Variants in HRK observed in about 807,000 individuals in gnomAD.
HRK encodes the protein harakiri, BCL2 interacting protein.
A neutral mutation model predicts 5.9 loss-of-function variants in HRK; 6 were observed. The observed-to-expected ratio is 1.02, with a 90% CI of 0.56 to 2.01. The LOEUF (loss-of-function observed/expected upper bound fraction) is 2.01, where lower values mean the gene tolerates loss of function less well. Ranked by LOEUF, HRK falls within the 30% of genes most tolerant of loss-of-function variation. The probability of loss-of-function intolerance (pLI) is 0.00; values close to 1 mark genes in which losing one functional copy is unlikely to be tolerated. For synonymous variants in HRK, 85 were observed against 65.1 expected, an observed-to-expected ratio of 1.31 and a Z score of -1.47; for missense variants, 133 against 128.3, an observed-to-expected ratio of 1.04 and a Z score of -0.18.
chr12:116,877,093 TA>T (rs1248296069), intron 1 of HRK, among the ~76,000 whole-genome samples: 1 of 152,202 alleles, frequency 6.6e-6, no homozygotes, highest in African/African-American at 2.4e-5. Flanking sequence ...CTTTGTCGCC[TA>T]GGCTGGAGTG....
At chr12:116,870,345 T>G (rs1345109814) in intron 1 of HRK, among the ~76,000 whole-genome samples, 1 of 152,172 alleles carries the variant, frequency 6.6e-6, no homozygotes. Context: ...TTAGTGACAT[T>G]ACTGAGACTT....
intron 1 of HRK, among the ~76,000 whole-genome samples, chr12:116,866,853 T>TAC (rs1449239809): frequency 6.6e-6 from 1 of 152,090 alleles, no homozygotes; most frequent in Non-Finnish European, 1.5e-5. Flanking sequence ...AAACAAAAAA[T>TAC]ACAGACTCTT....
chr12:116,875,039 T>C (rs1216074358), intron 1 of HRK, among the ~76,000 whole-genome samples: 1 of 151,704 alleles, frequency 6.6e-6, no homozygotes, highest in Non-Finnish European at 1.5e-5. Flanking sequence ...ATCAAAACTA[T>C]TGGAAAAAAA....
chr12:116,877,883 T>A (rs1349630183), intron 1 of HRK, among the ~76,000 whole-genome samples: 1 of 152,188 alleles, frequency 6.6e-6, no homozygotes, highest in African/African-American at 2.4e-5. Flanking sequence ...ATGCTGGATA[T>A]ATGTATGTGT....
chr12:116,860,203 A>G lies in HRK; in HGVS notation c.*1320T>C, dbSNP rs1878308771. On this transcript the variant is annotated 3_prime_UTR_variant, in exon 2 of 2. Transcript: ENST00000257572. Reference sequence around the variant, plus strand: ...CCTGCTTATGTTGGATTTTTCGAAAATGAAAGCAAAAAATAATCACTGCTC... The same window carrying G: ...CCTGCTTATGTTGGATTTTTCGAAAGTGAAAGCAAAAAATAATCACTGCTC... 1 of 152,216 alleles carries G rather than the reference A, an allele frequency of 6.6e-6. No individual in the cohort carries two copies. The highest frequency in any genetic ancestry group is 6.5e-5 in the Admixed American group (1 of 15,274). 9.4% of individuals were successfully genotyped at this position (152,216 alleles called of 1,614,324 possible).
intron 1 of HRK, among the ~76,000 whole-genome samples, chr12:116,875,496 C>T (rs190575459): frequency 6.6e-6 from 1 of 152,164 alleles, no homozygotes; most frequent in Non-Finnish European, 1.5e-5. Flanking sequence ...GTGGAAGAAC[C>T]TGAATTTGGG....
At chr12:116,864,745 A>G (rs1029295330) in intron 1 of HRK, among the ~76,000 whole-genome samples, 12 of 152,224 alleles carry the variant, frequency 7.9e-5, no homozygotes, top group Admixed American at 2.0e-4. Flanking sequence ...GGATTGCATA[A>G]GCCCAGGAGT....
rs1438794965 is a variant in HRK, at chr12:116,862,899, G to A, written c.*57-1433C>T. Among the ~76,000 whole-genome samples, 1 of 152,078 alleles carries A rather than the reference G, an allele frequency of 6.6e-6. No individual in the cohort carries two copies. The highest frequency in any genetic ancestry group is 1.5e-5 in the Non-Finnish European group (1 of 68,014). On this transcript the variant is annotated intron_variant, in intron 1 of 1. Coordinates refer to ENST00000257572, the MANE Select transcript of HRK (RefSeq NM_003806.4). The surrounding 1 kb of genome is among the most constrained non-coding windows in gnomAD (Gnocchi z 4.0). ...CTACAGGTGCATGCCATCATGCCCG[G>A]CTAAATTTTTGTATTTTTAGTAGAG...
chr12:116,866,660 A>G (rs1300571997), intron 1 of HRK, among the ~76,000 whole-genome samples: 1 of 152,138 alleles, frequency 6.6e-6, no homozygotes, highest in Non-Finnish European at 1.5e-5. Context: ...GTGAACAGTT[A>G]TCAATGCTAT....
intron 1 of HRK, among the ~76,000 whole-genome samples, chr12:116,866,086 A>C (rs1878534952): frequency 7.1e-6 from 1 of 141,336 alleles, no homozygotes; most frequent in Non-Finnish European, 1.5e-5. Flanking sequence ...TAAACCCGGG[A>C]GGCAGAGGTT....
intron 1 of HRK, among the ~76,000 whole-genome samples, chr12:116,868,487 G>A (rs535326407): frequency 1.7e-4 from 26 of 152,264 alleles, no homozygotes; most frequent in Admixed American, 2.6e-4. Context: ...CTCTAATGTC[G>A]TGTCTGGCTC....
intron 1 of HRK, among the ~76,000 whole-genome samples, chr12:116,870,254 G>C (rs1878699646): frequency 6.6e-6 from 1 of 152,180 alleles, no homozygotes. Flanking sequence ...TAAGTACCAT[G>C]TGCTAGCTCC....
At chr12:116,870,506 CT>C (rs1471728652) in intron 1 of HRK, among the ~76,000 whole-genome samples, 1 of 152,108 alleles carries the variant, frequency 6.6e-6, no homozygotes, top group Non-Finnish European at 1.5e-5. Flanking sequence ...CAACAGACAC[CT>C]GACATATAAA....
rs1189957526 is a variant in HRK, at chr12:116,858,014, A to C, written c.*3509T>G. 1 of 151,594 alleles carries C rather than the reference A, an allele frequency of 6.6e-6. No homozygotes were observed. Among genetic ancestry groups the C allele is most frequent in the Non-Finnish European group, 1.5e-5 (1 of 67,976 alleles). The allele number at this position is 151,594 out of a possible 1,614,324, so 9.4% of individuals were successfully genotyped here. The stretch of plus-strand genomic sequence containing the variant: ...GGTTGCAGTGAGCTGAGCTCGCACC[A>C]CTGCACTCCAGCCTGGGTGACAGAG... On this transcript the variant is annotated 3_prime_UTR_variant, in exon 2 of 2. Coordinates refer to ENST00000257572, the MANE Select transcript of HRK (RefSeq NM_003806.4).
chr12:116,872,867 GAGGC>G (rs1269742969), intron 1 of HRK, among the ~76,000 whole-genome samples: 1 of 137,664 alleles, frequency 7.3e-6, no homozygotes, highest in Non-Finnish European at 1.6e-5. Flanking sequence ...GGGAGGGAGG[GAGGC>G]AGGCAGGGAG....
chr12:116,865,765 T>C (rs1878521130), intron 1 of HRK, among the ~76,000 whole-genome samples: 1 of 152,174 alleles, frequency 6.6e-6, no homozygotes, highest in African/African-American at 2.4e-5. Flanking sequence ...TTTTTGTTCT[T>C]TTCCTACCAT....
chr12:116,868,209 G>A (rs924477727), intron 1 of HRK, among the ~76,000 whole-genome samples: 3 of 151,694 alleles, frequency 2.0e-5, no homozygotes, highest in African/African-American at 7.3e-5. Context: ...TCCTGCCCCA[G>A]CTTCCTGAGT....
At chr12:116,880,028 G>A (rs1327886517) in intron 1 of HRK, among the ~76,000 whole-genome samples, 1 of 152,094 alleles carries the variant, frequency 6.6e-6, no homozygotes, top group Non-Finnish European at 1.5e-5. Flanking sequence ...AAAGCGCCTA[G>A]CACAGTGCCA....
At position 116,859,641 on chromosome 12, in the gene HRK, T is replaced by C. The variant is rs912856765; in HGVS notation, c.*1882A>G. 3 of 151,168 alleles carry C rather than the reference T, an allele frequency of 2.0e-5. No homozygotes were observed. Among genetic ancestry groups the C allele is most frequent in the African/African-American group, 7.3e-5 (3 of 41,226 alleles). 9.4% of individuals were successfully genotyped at this position (151,168 alleles called of 1,614,324 possible). On this transcript the variant is annotated 3_prime_UTR_variant, in exon 2 of 2. Coordinates refer to ENST00000257572, the MANE Select transcript of HRK (RefSeq NM_003806.4). ...TCCCAAAATAAGCATTATTCTTCTT[T>C]TTTTTTTTTTGGTTTGCTGAGTTCA... is the stretch of plus-strand genomic sequence containing the variant.
Sources: gnomAD v4.1 joint callset for allele counts (sites outside exome capture counted in the v4.1 genomes callset) on GRCh38, gnomAD v4.1.1 for gene constraint, Gnocchi (gnomAD v3.1) non-coding constraint, MANE v1.5 for transcripts, NCBI Gene and HGNC (gene_info 2026-07-23, HGNC 2026-07-21) for gene names.